Variants in GAPVD1 observed in about 807,000 individuals in gnomAD.
The protein encoded by GAPVD1 is GTPase-activating protein and VPS9 domain-containing protein 1.
A neutral mutation model predicts 155.5 loss-of-function variants in GAPVD1; 35 were observed. That is an observed-to-expected ratio of 0.23 (90% CI 0.17 to 0.30). The LOEUF is 0.30. GAPVD1 is among the 10% of genes least tolerant of loss of function. The pLI is 1.00. For synonymous variants in GAPVD1, 636 were observed against 619.7 expected (o/e 1.03, Z -0.39); for missense variants, 1,429 against 1,775.7 (o/e 0.80, Z 3.51).
intron 15 of GAPVD1, among the ~76,000 whole-genome samples, chr9:125,334,118 A>G (rs1846507020): frequency 6.6e-6 from 1 of 152,166 alleles, no homozygotes; most frequent in South Asian, 2.1e-4. Context: ...AGGAGTGTAG[A>G]TGAAGTCACA....
intron 23 of GAPVD1, 84 bp from the exon 24 acceptor site, chr9:125,354,570 C>T: frequency 1.1e-6 from 1 of 869,964 alleles, no homozygotes; most frequent in Non-Finnish European, 1.8e-6. Flanking sequence ...AGTAATTTTT[C>T]TAAAGAAAAG....
At chr9:125,350,975 C>G in intron 23 of GAPVD1, 103 bp downstream of exon 23, 1 of 908,596 alleles carries the variant, frequency 1.1e-6, no homozygotes, top group Non-Finnish European at 1.7e-6. Flanking sequence ...CTACAAAGTG[C>G]TTGGCTGTAT....
intron 2 of GAPVD1, among the ~76,000 whole-genome samples, chr9:125,284,120 C>T (rs1299140901): frequency 1.3e-5 from 2 of 151,772 alleles, no homozygotes; most frequent in Admixed American, 6.6e-5. Context: ...AAGTGATCCA[C>T]CCGCCTTGGC....
intron 18 of GAPVD1, 29 bp downstream of exon 18, chr9:125,341,293 A>T: frequency 9.1e-7 from 1 of 1,102,416 alleles, no homozygotes; most frequent in South Asian, 1.3e-5. Flanking sequence ...AGAACGCTGT[A>T]TTAGCAATAA....
rs1840303873 is a variant in GAPVD1, at chr9:125,298,751, G to A, written c.-32-139G>A. 6.2e-6 allele frequency: 3 copies of A among 486,682 alleles called. No homozygotes were observed. In the South Asian group the frequency reaches 1.0e-4, roughly 17 times the overall value. 30.1% of individuals were successfully genotyped at this position (486,682 alleles called of 1,614,324 possible). ...AATCCGCCCGCCTTGGCCTCCCAAA[G>A]TGCTGGGATTATAGGCATGAGCCAC... On this transcript the variant is annotated intron_variant, in intron 3 of 27. Transcript: ENST00000297933.
rs750934084 is a variant in GAPVD1 at position 125,326,583 on chromosome 9, A to G, written c.2026A>G (p.Ile676Val). ...TATTGATGAAGATCGCTTGCAAGAAATTGCAGGTAACTGCCATTTAATGTC... is the reference window on the plus strand; with the variant it reads ...TATTGATGAAGATCGCTTGCAAGAAGTTGCAGGTAACTGCCATTTAATGTC... ...PNIDEDRLQEIAGAAAENMLG... is the reference protein window; with the variant it reads ...PNIDEDRLQEVAGAAAENMLG... Residue 676 changes from isoleucine (I) to valine (V), a missense_variant, in exon 12 of 28, where the codon ATT becomes GTT. Ile to Val is a conservative substitution (Grantham distance 29). This residue lies in a region of GAPVD1 where 699 missense variants were observed against 826.0 expected (regional missense o/e 0.85). Transcript: ENST00000297933. 6 of 1,608,878 alleles carry G rather than the reference A, an allele frequency of 3.7e-6. No homozygotes were observed. In the South Asian group the frequency reaches 6.6e-5, roughly 18 times the overall value.
At chr9:125,317,506 T>G (rs1843624240) in intron 9 of GAPVD1, among the ~76,000 whole-genome samples, 1 of 151,362 alleles carries the variant, frequency 6.6e-6, no homozygotes, top group Non-Finnish European at 1.5e-5. Context: ...ATGCCTGTAA[T>G]CCCAGTTACT....
At chr9:125,331,271 G>T (rs908514620) in intron 13 of GAPVD1, among the ~76,000 whole-genome samples, 1 of 151,914 alleles carries the variant, frequency 6.6e-6, no homozygotes, top group Non-Finnish European at 1.5e-5. Context: ...TGCAATCACG[G>T]CTCAGTGCAA....
intron 4 of GAPVD1, among the ~76,000 whole-genome samples, chr9:125,301,192 C>T (rs1840796698): frequency 6.6e-6 from 1 of 151,956 alleles, no homozygotes; most frequent in Non-Finnish European, 1.5e-5. Context: ...ACCTCAGCCT[C>T]CTGAGTGCTG....
chr9:125,286,688 G>C (rs1192766699), intron 2 of GAPVD1, among the ~76,000 whole-genome samples: 2 of 152,056 alleles, frequency 1.3e-5, no homozygotes, highest in African/African-American at 4.8e-5. Context: ...TTGGGGGCTG[G>C]GGATACATAG....
At chr9:125,304,288 T>G (rs1244817393) in intron 5 of GAPVD1, among the ~76,000 whole-genome samples, 7 of 152,232 alleles carry the variant, frequency 4.6e-5, no homozygotes, top group Non-Finnish European at 7.3e-5. Flanking sequence ...CTTGAACTCC[T>G]GGCCTCAGGT....
At chr9:125,266,850 T>G (rs1473832729) in intron 1 of GAPVD1, among the ~76,000 whole-genome samples, 1 of 152,116 alleles carries the variant, frequency 6.6e-6, no homozygotes, top group Non-Finnish European at 1.5e-5. Context: ...AACTTCCCCC[T>G]CCTGGGTTCA....
intron 2 of GAPVD1, among the ~76,000 whole-genome samples, chr9:125,291,312 G>A (rs1049589917): frequency 4.6e-5 from 7 of 152,198 alleles, no homozygotes; most frequent in African/African-American, 9.6e-5. Flanking sequence ...GGATACTAGC[G>A]TTGTCATGTG....
In GAPVD1 at chr9:125,337,476, G is replaced by C. The variant is rs138389331; in HGVS notation, c.2762G>C (p.Arg921Pro). Reference sequence around the variant, plus strand: ...ATGAGTGACCCCAGCTGGAACCGGCGTCCAGGAAATGAAGAGCGAGAACTC... The same window carrying C: ...ATGAGTGACCCCAGCTGGAACCGGCCTCCAGGAAATGAAGAGCGAGAACTC... ...RPMSDPSWNR[R>P]PGNEERELPP... is the part of the protein sequence containing the mutation. Residue 921 changes from arginine to proline, a missense_variant, in exon 17 of 28, where the codon CGT becomes CCT. By Grantham distance (103) the Arg-to-Pro change is moderately radical. Transcript: ENST00000297933. The C allele has an allele frequency of 6.2e-7, 1 of 1,614,166 alleles. No individual in the cohort carries two copies. The highest frequency in any genetic ancestry group is 8.5e-7 in the Non-Finnish European group (1 of 1,180,028).
At chr9:125,344,428 G>A (rs748799048) in intron 19 of GAPVD1, among the ~76,000 whole-genome samples, 2 of 152,138 alleles carry the variant, frequency 1.3e-5, no homozygotes, top group East Asian at 1.9e-4. Context: ...CAGTGTAAAC[G>A]TTCTCTTACT....
Position 125,298,885 on chromosome 9 carries a change from C to T in GAPVD1, c.-32-5C>T, listed in dbSNP as rs1015702625. 1.5e-6 allele frequency: 2 copies of T among 1,303,584 alleles called. No individual in the cohort carries two copies. The highest frequency in any genetic ancestry group is 2.7e-5 in the South Asian group (2 of 75,192). 80.8% of individuals were successfully genotyped at this position (1,303,584 alleles called of 1,614,324 possible). A position where few individuals can be genotyped will look rare whatever the true frequency, so the allele number is the denominator to read the frequency against. On this transcript the variant is annotated splice_polypyrimidine_tract_variant and splice_region_variant and intron_variant, in intron 3 of 27. Coordinates refer to ENST00000297933, the MANE Select transcript of GAPVD1 (RefSeq NM_001282680.3). ...AACTTTAAATCTTTATCTTTTTACT[C>T]TTAGTGATCAGCCTTTGAGCCTTTC...
At chr9:125,312,842 T>C (rs552111009) in intron 9 of GAPVD1, among the ~76,000 whole-genome samples, 2 of 152,186 alleles carry the variant, frequency 1.3e-5, no homozygotes, top group East Asian at 3.9e-4. Context: ...TTTTTTGAGA[T>C]GGAGTGTCAC....
chr9:125,346,569 T>G, intron 19 of GAPVD1: 1 of 536,320 alleles, frequency 1.9e-6, no homozygotes, highest in Non-Finnish European at 3.4e-6. Flanking sequence ...TGCCCTGAAC[T>G]TTGACACTGT....
chr9:125,340,554 T>C (rs1173612064), intron 17 of GAPVD1, among the ~76,000 whole-genome samples: 4 of 152,192 alleles, frequency 2.6e-5, no homozygotes. Context: ...TACATATCCT[T>C]ACTATGCTCA....
Sources: gnomAD v4.1 joint callset for allele counts (sites outside exome capture counted in the v4.1 genomes callset) on GRCh38, gnomAD v4.1.1 for gene constraint, gnomAD v4.1.1 regional missense constraint, MANE v1.5 for transcripts, NCBI Gene and HGNC (gene_info 2026-07-23, HGNC 2026-07-21) for gene names.